LRRC4C: variants seen among roughly 807,000 people sequenced by gnomAD.
LRRC4C encodes leucine rich repeat containing 4C, also known as leucine-rich repeat-containing protein 4C.
Under a neutral mutation model 33.6 loss-of-function variants are expected in LRRC4C, and 5 were observed. The observed-to-expected ratio is 0.15, with a 90% CI of 0.08 to 0.31. LRRC4C has a LOEUF of 0.31. Ranked by LOEUF, LRRC4C falls within the 10% of genes least tolerant of loss-of-function variation. The pLI is 1.00. For missense variants in LRRC4C, 560 were observed against 796.7 expected (o/e 0.70, Z 3.58); for synonymous variants, 329 against 302.0 (o/e 1.09, Z -0.93).
At chr11:41,415,738 G>A (rs2939758) in intron 1 of LRRC4C, among the ~76,000 whole-genome samples, 15 of 152,046 alleles carry the variant, frequency 9.9e-5, no homozygotes, top group East Asian at 5.8e-4. Context: ...ATCTAAATTC[G>A]TTTGCAACAC....
intron 1 of LRRC4C, among the ~76,000 whole-genome samples, chr11:41,155,590 A>G (rs1300392432): frequency 6.6e-6 from 1 of 152,108 alleles, no homozygotes; most frequent in Non-Finnish European, 1.5e-5. Flanking sequence ...ATTTTGGATT[A>G]GAGTAACATG....
intron 1 of LRRC4C, among the ~76,000 whole-genome samples, chr11:41,047,038 G>GTTGTGCT (rs1296526321): frequency 6.6e-6 from 1 of 152,070 alleles, no homozygotes; most frequent in African/African-American, 2.4e-5. Context: ...ATTAACAATT[G>GTTGTGCT]TTGTGCTTCA....
intron 5 of LRRC4C, among the ~76,000 whole-genome samples, chr11:40,194,575 AC>A (rs2135656403): frequency 6.8e-6 from 1 of 148,002 alleles, no homozygotes; most frequent in East Asian, 2.2e-4. Context: ...AGCAATGAGA[AC>A]ATATGGGCAC....
intron 3 of LRRC4C, among the ~76,000 whole-genome samples, chr11:40,475,476 G>A (rs1949573541): frequency 6.6e-6 from 1 of 152,198 alleles, no homozygotes; most frequent in Non-Finnish European, 1.5e-5. Context: ...GGGAGGGATA[G>A]CATTAGGAGA....
At chr11:40,465,846 T>C (rs1952624670) in intron 3 of LRRC4C, among the ~76,000 whole-genome samples, 1 of 152,014 alleles carries the variant, frequency 6.6e-6, no homozygotes, top group Admixed American at 6.6e-5. Context: ...TAGTACAACC[T>C]CTATGGACAA....
intron 3 of LRRC4C, among the ~76,000 whole-genome samples, chr11:40,633,371 T>TCTCTC (rs1963658236): frequency 3.1e-5 from 3 of 96,308 alleles, no homozygotes; most frequent in Non-Finnish European, 6.5e-5. Context: ...CTTTCTTTCT[T>TCTCTC]TCTCTCTCTT....
chr11:41,385,048 T>C (rs1311067347), intron 1 of LRRC4C, among the ~76,000 whole-genome samples: 1 of 150,740 alleles, frequency 6.6e-6, no homozygotes, highest in Admixed American at 6.6e-5. Flanking sequence ...GTCCAGGAAA[T>C]TATGATAATT....
intron 1 of LRRC4C, among the ~76,000 whole-genome samples, chr11:40,962,396 C>T (rs1004271710): frequency 2.6e-5 from 4 of 151,704 alleles, no homozygotes; most frequent in African/African-American, 7.2e-5. Context: ...GAAGCCACTA[C>T]ATTTGTGAGT....
intron 3 of LRRC4C, among the ~76,000 whole-genome samples, chr11:40,346,784 TGAG>T (rs1947154301): frequency 6.6e-6 from 1 of 152,200 alleles, no homozygotes; most frequent in South Asian, 2.1e-4. Context: ...ACATTGTCAA[TGAG>T]GAGTAGTATT....
intron 2 of LRRC4C, among the ~76,000 whole-genome samples, chr11:40,739,008 T>TGC (rs57834436): frequency 7.2e-4 from 25 of 34,694 alleles, no homozygotes; most frequent in African/African-American, 1.8e-3. Flanking sequence ...TAATTGCTAT[T>TGC]GTGTGTGTGT....
intron 1 of LRRC4C, among the ~76,000 whole-genome samples, chr11:41,061,812 A>C (rs1254203207): frequency 2.0e-5 from 3 of 152,140 alleles, no homozygotes; most frequent in Non-Finnish European, 4.4e-5. Context: ...GCCCAAATGG[A>C]TAAATTTATC....
intron 3 of LRRC4C, among the ~76,000 whole-genome samples, chr11:40,401,209 A>G (rs774850436): frequency 6.6e-6 from 1 of 151,894 alleles, no homozygotes; most frequent in Admixed American, 6.6e-5. Context: ...GCTTGGCATC[A>G]GTATACAATC....
chr11:40,399,363 A>T (rs368104405), intron 3 of LRRC4C, among the ~76,000 whole-genome samples: 2 of 152,292 alleles, frequency 1.3e-5, no homozygotes, highest in African/African-American at 4.8e-5. Flanking sequence ...ATTAAAAATG[A>T]TGAGTTCATG....
At chr11:41,265,175 C>A (rs1949108369) in intron 1 of LRRC4C, among the ~76,000 whole-genome samples, 2 of 152,064 alleles carry the variant, frequency 1.3e-5, no homozygotes, top group Non-Finnish European at 2.9e-5. Flanking sequence ...TAATGGCTAG[C>A]ATGTTATAAC....
intron 2 of LRRC4C, among the ~76,000 whole-genome samples, chr11:40,720,675 A>G (rs930379229): frequency 3.3e-5 from 5 of 152,190 alleles, no homozygotes; most frequent in Non-Finnish European, 5.9e-5. Flanking sequence ...GAAAGTGATA[A>G]TCTTGTGTAA....
intron 3 of LRRC4C, among the ~76,000 whole-genome samples, chr11:40,560,432 G>A (rs1250970645): frequency 7.5e-6 from 1 of 132,826 alleles, no homozygotes; most frequent in South Asian, 2.7e-4. Context: ...AATGATGTGT[G>A]TGCCTGTGTT....
chr11:40,492,812 T>C (rs1954229919), intron 3 of LRRC4C, among the ~76,000 whole-genome samples: 1 of 152,178 alleles, frequency 6.6e-6, no homozygotes, highest in African/African-American at 2.4e-5. Context: ...TATACAGATA[T>C]CTGCAGTTAT....
At chr11:40,404,155 G>A (rs941201143) in intron 3 of LRRC4C, among the ~76,000 whole-genome samples, 2 of 152,070 alleles carry the variant, frequency 1.3e-5, no homozygotes, top group Non-Finnish European at 2.9e-5. Context: ...TTAAGTCCAA[G>A]CTAACCTGCT....
intron 1 of LRRC4C, among the ~76,000 whole-genome samples, chr11:41,062,759 G>A (rs1289436298): frequency 6.6e-6 from 1 of 152,098 alleles, no homozygotes; most frequent in Non-Finnish European, 1.5e-5. Context: ...AGGTCATGCC[G>A]GAATTGGCTA....
Sources: gnomAD v4.1 joint callset for allele counts (sites outside exome capture counted in the v4.1 genomes callset) on GRCh38, gnomAD v4.1.1 for gene constraint, MANE v1.5 for transcripts, NCBI Gene and HGNC (gene_info 2026-07-23, HGNC 2026-07-21) for gene names.